The following USP25 variants were observed in gnomAD, a reference collection of about 807,000 sequenced individuals.
USP25 encodes ubiquitin carboxyl-terminal hydrolase 25.
USP25 carries 85 observed loss-of-function variants against 158.5 expected under a neutral mutation model. The ratio of observed to expected loss-of-function variants is 0.54; its 90% confidence interval spans 0.45 to 0.64. The LOEUF (loss-of-function observed/expected upper bound fraction) is 0.64. Ranked by LOEUF, USP25 falls within the 30% of genes least tolerant of loss-of-function variation. The pLI is 0.00. For missense variants in USP25, 1,242 were observed against 1,327.3 expected, an observed-to-expected ratio of 0.94 and a Z score of 1.00; for synonymous variants, 464 against 460.4, an observed-to-expected ratio of 1.01 and a Z score of -0.10.
At chr21:15,764,860 A>G (rs1178798858) in intron 2 of USP25, among the ~76,000 whole-genome samples, 1 of 152,078 alleles carries the variant, frequency 6.6e-6, no homozygotes, top group African/African-American at 2.4e-5. Context: ...TCCTTTTGTC[A>G]CTGACTGCTA....
intron 1 of USP25, among the ~76,000 whole-genome samples, chr21:15,758,969 T>G (rs1204700570): frequency 1.3e-5 from 2 of 152,170 alleles, no homozygotes; most frequent in African/African-American, 4.8e-5. Flanking sequence ...TTTTAAATTT[T>G]TATAATTAAT....
chr21:15,824,568 T>C (rs116017574), intron 11 of USP25, among the ~76,000 whole-genome samples: 1 of 151,998 alleles, frequency 6.6e-6, no homozygotes, highest in Admixed American at 6.6e-5. Flanking sequence ...TTTCCTGTCT[T>C]TCTTTCTTTT....
intron 1 of USP25, among the ~76,000 whole-genome samples, chr21:15,742,874 C>G (rs147750547): frequency 1.9e-4 from 29 of 152,346 alleles, no homozygotes; most frequent in African/African-American, 7.0e-4. Flanking sequence ...CACTGCCACT[C>G]CGTGCTCAGC....
rs1217775946 is a variant in USP25, at chr21:15,878,353, T to G, written c.3256T>G (p.Ser1086Ala). 1 of 1,614,064 alleles carries G rather than the reference T, an allele frequency of 6.2e-7. No homozygotes were observed. The highest frequency in any genetic ancestry group is 1.1e-5 in the South Asian group (1 of 91,060). Reference protein sequence around the residue: ...TDFLPKLLDCSMEIKSFHEPP... With the variant: ...TDFLPKLLDCAMEIKSFHEPP... ...TTTTTTGCCAAAACTGCTTGATTGT[T>G]CTATGGAGATTAAAAGTTTCCATGA... The change falls in exon 26 of 26, where the codon TCT (serine) becomes GCT (alanine). Residue 1086 changes from serine (S) to alanine (A), a missense_variant. Around this residue, in one of 3 missense-constraint regions of USP25, gnomAD observed 608 missense variants for 605.2 expected, o/e 1.00. Coordinates refer to ENST00000400183, the MANE Select transcript of USP25 (RefSeq NM_001283041.3).
intron 3 of USP25, among the ~76,000 whole-genome samples, chr21:15,767,790 G>C (rs896898553): frequency 2.6e-5 from 4 of 152,060 alleles, no homozygotes; most frequent in Admixed American, 2.6e-4. Context: ...TCTTAATATA[G>C]ATGGTATACT....
intron 18 of USP25, 80 bp from the exon 19 acceptor site, chr21:15,847,582 AG>A (rs1212331128): frequency 1.6e-5 from 15 of 920,206 alleles, no homozygotes; most frequent in Non-Finnish European, 2.4e-5. Flanking sequence ...AGGGATGTGC[AG>A]GTTATACAGT....
In USP25 at chr21:15,857,988, T is replaced by TCCCTTATCAGG. The variant is rs1460313630; in HGVS notation, c.2548-6280_2548-6279insCCCTTATCAGG. ...TCCCTTATCAGGGATTTATACTTAA[T>TCCCTTATCAGG]GATATACTAAATCCCTACTTATAAG... On this transcript the variant is annotated intron_variant, in intron 20 of 25. Transcript: ENST00000400183. 6.9e-5 allele frequency among the ~76,000 whole-genome samples: 8 copies of TCCCTTATCAGG among 115,808 alleles called. No homozygotes were observed. In the East Asian group the frequency reaches 1.4e-3, roughly 20 times the overall value. 76.0% of individuals were successfully genotyped at this position (115,808 alleles called of 152,430 possible). A position where few individuals can be genotyped will look rare whatever the true frequency, so the allele number is the denominator to read the frequency against.
At chr21:15,869,497 G>C (rs531277743) in intron 22 of USP25, among the ~76,000 whole-genome samples, 1 of 152,094 alleles carries the variant, frequency 6.6e-6, no homozygotes, top group South Asian at 2.1e-4. Context: ...TAGTTGTTTT[G>C]GGGGTGGGGA....
intron 9 of USP25, among the ~76,000 whole-genome samples, chr21:15,817,848 AT>A (rs1307188292): frequency 6.6e-6 from 1 of 152,106 alleles, no homozygotes; most frequent in Non-Finnish European, 1.5e-5. Flanking sequence ...GGGAGCTACA[AT>A]TTAAGATGAG....
intron 18 of USP25, 139 bp downstream of exon 18, chr21:15,842,679 G>T: frequency 9.8e-7 from 1 of 1,020,252 alleles, no homozygotes; most frequent in Non-Finnish European, 1.4e-6. Flanking sequence ...CAGTGACCAT[G>T]GGCAAGTCAT....
intron 15 of USP25, among the ~76,000 whole-genome samples, chr21:15,831,038 C>T (rs77891805): frequency 0.028 from 4,188 of 152,018 alleles, 197 homozygotes; most frequent in African/African-American, 0.093. Flanking sequence ...TTTTGTTAAC[C>T]GTCAATTTAG....
rs2034754970 is a variant in USP25 at position 15,778,004 on chromosome 21, T to G, written c.369T>G (p.Thr123=). ...GGGCATTCAGGGAGACTGGAATAAC[T>G]GATGAGGAACAAGCCATTAGCAGGT... is the stretch of plus-strand genomic sequence containing the variant. ...SNRAFRETGI[T]DEEQAISRVL... Residue 123 remains threonine (T), a synonymous_variant, in exon 4 of 26, where the codon ACT becomes ACG. Transcript: ENST00000400183. 1 of 1,610,036 alleles carries G rather than the reference T, an allele frequency of 6.2e-7. No individual in the cohort carries two copies. Among genetic ancestry groups the G allele is most frequent in the East Asian group, 2.2e-5 (1 of 44,718 alleles).
intron 17 of USP25, among the ~76,000 whole-genome samples, chr21:15,840,956 C>A (rs528836164): frequency 1.3e-5 from 2 of 152,280 alleles, no homozygotes; most frequent in East Asian, 3.9e-4. Flanking sequence ...ATGAAGTCTT[C>A]CAGAAGCAGA....
intron 20 of USP25, among the ~76,000 whole-genome samples, chr21:15,863,065 T>TA (rs1737400362): frequency 6.6e-6 from 1 of 152,008 alleles, no homozygotes; most frequent in African/African-American, 2.4e-5. Context: ...TGTTTATGCT[T>TA]ATTAGAGCTA....
At chr21:15,835,757 C>T (rs920180695) in intron 17 of USP25, among the ~76,000 whole-genome samples, 1 of 152,140 alleles carries the variant, frequency 6.6e-6, no homozygotes, top group African/African-American at 2.4e-5. Context: ...AACATTGTAT[C>T]CTCCATAGAC....
At position 15,843,004 on chromosome 21, in the gene USP25, T is replaced by C. The variant is rs145098194; in HGVS notation, c.2337+464T>C. 2.6e-5 allele frequency among the ~76,000 whole-genome samples: 4 copies of C among 152,152 alleles called. No homozygotes were observed. Among genetic ancestry groups the C allele is most frequent in the East Asian group, 3.9e-4 (2 of 5,174 alleles). On this transcript the variant is annotated intron_variant, in intron 18 of 25. Coordinates refer to ENST00000400183, the MANE Select transcript of USP25 (RefSeq NM_001283041.3). This position sits in a 1 kb window ranked among gnomAD's most constrained non-coding sequence, Gnocchi z 4.0. ...TATTATTTAAAACTACTAGATACTG[T>C]AGATTAGAGTATTATTAGAAGGATA...
chr21:15,835,659 A>G (rs2038030201), intron 17 of USP25, among the ~76,000 whole-genome samples: 1 of 152,224 alleles, frequency 6.6e-6, no homozygotes, highest in South Asian at 2.1e-4. Context: ...AGAGATGGAA[A>G]TGGTCAATTC....
chr21:15,844,104 A>G (rs2038466494), intron 18 of USP25, among the ~76,000 whole-genome samples: 1 of 152,130 alleles, frequency 6.6e-6, no homozygotes, highest in Non-Finnish European at 1.5e-5. Context: ...TTGTCTATTC[A>G]TTTAATTGTT....
intron 1 of USP25, among the ~76,000 whole-genome samples, chr21:15,731,352 G>A (rs940267654): frequency 6.6e-6 from 1 of 152,096 alleles, no homozygotes; most frequent in Non-Finnish European, 1.5e-5. Context: ...CCGTGCCTTA[G>A]TTGTGTTGGT....
Sources: gnomAD v4.1 joint callset for allele counts (sites outside exome capture counted in the v4.1 genomes callset) on GRCh38, gnomAD v4.1.1 for gene constraint, gnomAD v4.1.1 regional missense constraint, Gnocchi (gnomAD v3.1) non-coding constraint, MANE v1.5 for transcripts, NCBI Gene and HGNC (gene_info 2026-07-23, HGNC 2026-07-21) for gene names.